ANKRD30A: variants seen among roughly 807,000 people sequenced by gnomAD.
The protein encoded by ANKRD30A is ankyrin repeat domain-containing protein 30A.
ANKRD30A carries 170 observed loss-of-function variants against 166.3 expected under a neutral mutation model. The observed-to-expected ratio is 1.02, with a 90% CI of 0.90 to 1.16. ANKRD30A has a LOEUF of 1.16. Among genes scored for constraint, ANKRD30A ranks in the 50% most tolerant of loss-of-function variants. ANKRD30A has a pLI of 0.00. For synonymous variants in ANKRD30A, 564 were observed against 508.9 expected (o/e 1.11, Z -1.46); for missense variants, 1,630 against 1,518.0 (o/e 1.07, Z -1.23).
chr10:37,183,769 C>G (rs1399852705), intron 24 of ANKRD30A, among the ~76,000 whole-genome samples: 1 of 148,200 alleles, frequency 6.7e-6, no homozygotes, highest in Non-Finnish European at 1.5e-5. Context: ...GTAACTCCAG[C>G]AGTTTTATAT....
intron 27 of ANKRD30A, among the ~76,000 whole-genome samples, chr10:37,195,279 CA>C (rs1314496856): frequency 1.6e-4 from 25 of 152,040 alleles, no homozygotes; most frequent in Non-Finnish European, 1.5e-5. Context: ...ATAAATCAAA[CA>C]AAATCAAAAT....
intron 31 of ANKRD30A, among the ~76,000 whole-genome samples, chr10:37,203,687 A>G (rs985189107): frequency 6.6e-6 from 1 of 152,194 alleles, no homozygotes; most frequent in Non-Finnish European, 1.5e-5. Context: ...GAATAGAGGA[A>G]GTCAAATTTT....
chr10:37,149,956 T>A, intron 11 of ANKRD30A, 107 bp downstream of exon 11: 6 of 1,459,792 alleles, frequency 4.1e-6, no homozygotes, highest in South Asian at 1.3e-5. Flanking sequence ...ATGAAAACAT[T>A]TGATCTAGAT....
chr10:37,154,708 G>T (rs1338966388), intron 13 of ANKRD30A, among the ~76,000 whole-genome samples: 1 of 152,102 alleles, frequency 6.6e-6, no homozygotes, highest in Non-Finnish European at 1.5e-5. Context: ...CAGGAAGCAG[G>T]GGACAAGAGA....
chr10:37,229,118 T>A (rs746711108), intron 34 of ANKRD30A, among the ~76,000 whole-genome samples: 1 of 151,936 alleles, frequency 6.6e-6, no homozygotes, highest in Non-Finnish European at 1.5e-5. Context: ...ATCACCTACA[T>A]TGGAGCTTCT....
chr10:37,129,884 C>G lies in ANKRD30A; in HGVS notation c.222-9C>G. On this transcript the variant is annotated splice_polypyrimidine_tract_variant and intron_variant, in intron 1 of 35. Transcript: ENST00000361713. ...TAAACTTTGCCAAAAAGTCCTCTCACTCTCGTAGGACTGCTCTACACTGGG... is the reference window on the plus strand; with the variant it reads ...TAAACTTTGCCAAAAAGTCCTCTCAGTCTCGTAGGACTGCTCTACACTGGG... The G allele has an allele frequency of 6.9e-7, 1 of 1,450,956 alleles. No homozygotes were observed. The highest frequency in any genetic ancestry group is 9.1e-7 in the Non-Finnish European group (1 of 1,094,944). 89.9% of individuals were successfully genotyped at this position (1,450,956 alleles called of 1,614,324 possible). A position where few individuals can be genotyped will look rare whatever the true frequency, so the allele number is the denominator to read the frequency against.
At chr10:37,206,588 G>C (rs1471241204) in intron 31 of ANKRD30A, among the ~76,000 whole-genome samples, 1 of 152,164 alleles carries the variant, frequency 6.6e-6, no homozygotes, top group Admixed American at 6.5e-5. Flanking sequence ...TCAGCAGTTC[G>C]AGACCAGCCT....
intron 24 of ANKRD30A, among the ~76,000 whole-genome samples, chr10:37,183,839 A>G (rs1840209457): frequency 6.7e-6 from 1 of 148,456 alleles, no homozygotes; most frequent in Non-Finnish European, 1.5e-5. Flanking sequence ...AACAAAAGAT[A>G]GTTACACTTA....
intron 25 of ANKRD30A, among the ~76,000 whole-genome samples, chr10:37,190,821 GAT>G (rs1034999353): frequency 4.7e-5 from 7 of 150,356 alleles, no homozygotes; most frequent in African/African-American, 1.5e-4. Flanking sequence ...TCAATATATA[GAT>G]ATATATATAT....
the ANKRD30A span, among the ~76,000 whole-genome samples, chr10:37,245,677 G>A: frequency 6.6e-6 from 1 of 152,016 alleles, no homozygotes; most frequent in South Asian, 2.1e-4. Flanking sequence ...GTATGCTCAT[G>A]TCTTAACTGG....
At chr10:37,200,610 A>G (rs938615450) in intron 30 of ANKRD30A, among the ~76,000 whole-genome samples, 8 of 152,092 alleles carry the variant, frequency 5.3e-5, no homozygotes, top group Admixed American at 4.6e-4. Context: ...ATTTGCTTTT[A>G]TTTAGACATG....
chr10:37,140,607 G>A (rs180843645), intron 6 of ANKRD30A, among the ~76,000 whole-genome samples: 4 of 152,222 alleles, frequency 2.6e-5, no homozygotes, highest in Non-Finnish European at 5.9e-5. Context: ...CTATCTGCTG[G>A]ATAATTAGGG....
In ANKRD30A at chr10:37,140,011, A is replaced by C. The variant is rs139702028; in HGVS notation, c.821-1707A>C. On this transcript the variant is annotated intron_variant, in intron 6 of 35. Coordinates refer to ENST00000361713, the MANE Select transcript of ANKRD30A (RefSeq NM_052997.3). ...AAGCACAAACAGTCAATTAACTCAT[A>C]GTTTCTATTTTATATGTACTATATA... Among the ~76,000 whole-genome samples the C allele has an allele frequency of 3.2e-4, 49 of 152,324 alleles. 1 individual carries two copies. Among genetic ancestry groups the C allele is most frequent in the African/African-American group, 1.2e-3 (49 of 41,576 alleles).
At chr10:37,194,875 G>C (rs1274026325) in intron 27 of ANKRD30A, among the ~76,000 whole-genome samples, 2 of 152,032 alleles carry the variant, frequency 1.3e-5, no homozygotes, top group Non-Finnish European at 2.9e-5. Context: ...ACTGAAGTGG[G>C]AGTATTTACT....
At chr10:37,157,652 C>G (rs1838489725) in intron 13 of ANKRD30A, among the ~76,000 whole-genome samples, 1 of 152,176 alleles carries the variant, frequency 6.6e-6, no homozygotes, top group Non-Finnish European at 1.5e-5. Flanking sequence ...GAATTACAGG[C>G]ATGAGCCACT....
At chr10:37,134,157 C>A (rs1836538742) in intron 5 of ANKRD30A, 104 bp downstream of exon 5, 2 of 1,353,432 alleles carry the variant, frequency 1.5e-6, no homozygotes, top group East Asian at 2.3e-5. Flanking sequence ...AGGCAAAAAG[C>A]TAGACTAGTT....
At chr10:37,247,401 A>G in the ANKRD30A span, among the ~76,000 whole-genome samples, 2 of 152,168 alleles carry the variant, frequency 1.3e-5, no homozygotes, top group Non-Finnish European at 2.9e-5. Context: ...CATTTATCTT[A>G]TAGTGATTTA....
chr10:37,153,666 A>G lies in ANKRD30A; in HGVS notation c.1798+4A>G. 6.2e-7 allele frequency: 1 copy of G among 1,610,936 alleles called. No homozygotes were observed. The highest frequency in any genetic ancestry group is 8.5e-7 in the Non-Finnish European group (1 of 1,179,278). On this transcript the variant is annotated splice_donor_region_variant and intron_variant, in intron 13 of 35. Transcript: ENST00000361713. ...AAAATAAATGGAAAATTAGAAGGTAAGAACCGTTTTTTATTTAAAAATCAG... is the reference window on the plus strand; with the variant it reads ...AAAATAAATGGAAAATTAGAAGGTAGGAACCGTTTTTTATTTAAAAATCAG...
chr10:37,167,302 A>ATG (rs397746039), intron 19 of ANKRD30A, among the ~76,000 whole-genome samples: 1 of 143,300 alleles, frequency 7.0e-6, no homozygotes, highest in East Asian at 2.0e-4. Flanking sequence ...ATATATATAT[A>ATG]GATGTGTGCA....
Sources: gnomAD v4.1 joint callset for allele counts (sites outside exome capture counted in the v4.1 genomes callset) on GRCh38, gnomAD v4.1.1 for gene constraint, MANE v1.5 for transcripts, NCBI Gene and HGNC (gene_info 2026-07-23, HGNC 2026-07-21) for gene names.